GIGYF1: variants seen among roughly 807,000 people sequenced by gnomAD.
GIGYF1 encodes the protein GRB10 interacting GYF protein 1.
GIGYF1 carries 84 observed loss-of-function variants against 147.1 expected under a neutral mutation model. The ratio of observed to expected loss-of-function variants is 0.57; its 90% CI spans 0.48 to 0.68. GIGYF1 has a LOEUF of 0.68. Among genes scored for constraint, GIGYF1 ranks in the 30% least tolerant of loss-of-function variants. The pLI, the probability that GIGYF1 is intolerant of heterozygous loss-of-function variation, is 0.00. For missense variants in GIGYF1, 1,485 were observed against 1,393.7 expected (o/e 1.07, Z -1.04); for synonymous variants, 752 against 589.5 (o/e 1.28, Z -3.99).
Position 100,685,958 on chromosome 7 carries a change from G to T in GIGYF1, c.1054+16C>A. ...CCCGGCCCAGCCCCAGGCCCGCTGG[G>T]CACCCCGCGGCTCACCTGCCTCAGG... On this transcript the variant is annotated intron_variant, in intron 12 of 26. Transcript: ENST00000678049. 6.2e-7 allele frequency: 1 copy of T among 1,606,600 alleles called. No individual in the cohort carries two copies. Among genetic ancestry groups the T allele is most frequent in the Non-Finnish European group, 8.5e-7 (1 of 1,176,104 alleles).
At chr7:100,688,368 G>A in intron 3 of GIGYF1, 61 bp from the exon 4 acceptor site, 2 of 794,790 alleles carry the variant, frequency 2.5e-6, no homozygotes, top group Non-Finnish European at 4.2e-6. Context: ...AGCGCAGGGA[G>A]GACACCATGG....
In GIGYF1 at chr7:100,683,249, GA is replaced by G; in HGVS notation, c.2194-20del. The G allele has an allele frequency of 6.2e-7, 1 of 1,613,056 alleles. No homozygotes were observed. Among genetic ancestry groups the G allele is most frequent in the Non-Finnish European group, 8.5e-7 (1 of 1,179,922 alleles). ...GCCGCACCTAAGAGGGGGACATGGTGAGGGGACCTGGCGAGGGTTGTCCACC... is the reference window on the plus strand; with the variant it reads ...GCCGCACCTAAGAGGGGGACATGGTGGGGGACCTGGCGAGGGTTGTCCACC... On this transcript the variant is annotated intron_variant, in intron 21 of 26. Transcript: ENST00000678049.
At chr7:100,690,781 CAAA>C (rs34194201) in intron 1 of GIGYF1, among the ~76,000 whole-genome samples, 4 of 93,598 alleles carry the variant, frequency 4.3e-5, no homozygotes. Context: ...GACTCTGTCT[CAAA>C]AAAAAAAAAA....
At chr7:100,686,507 C>A in intron 10 of GIGYF1, 74 bp from the exon 11 acceptor site, 1 of 1,521,656 alleles carries the variant, frequency 6.6e-7, no homozygotes, top group South Asian at 1.3e-5. Context: ...CTGCAGCTCA[C>A]GGAGCACCTC....
chr7:100,687,572 C>T lies in GIGYF1; in HGVS notation c.306G>A (p.Leu102=). 2 of 1,612,746 alleles carry T rather than the reference C, an allele frequency of 1.2e-6. No individual in the cohort carries two copies. The highest frequency in any genetic ancestry group is 1.7e-6 in the Non-Finnish European group (2 of 1,179,900). ...LSVNSVAVLR[L]MGKGAGPPLA... ...GGGGGGGGCCAGCCCCTTTCCCCAT[C>T]AGCCTCAGCACAGCCACGCTGTTCA... Residue 102 remains leucine, a synonymous_variant, in exon 7 of 27, where the codon CTG becomes CTA. Transcript: ENST00000678049.
chr7:100,687,742 C>A (rs1584505396), intron 6 of GIGYF1, 46 bp downstream of exon 6: 1 of 1,592,936 alleles, frequency 6.3e-7, no homozygotes, highest in East Asian at 2.2e-5. Context: ...AACCCATGGC[C>A]TCCCCTCCCA....
intron 1 of GIGYF1, among the ~76,000 whole-genome samples, chr7:100,692,966 T>C (rs1354765782): frequency 6.6e-6 from 1 of 152,178 alleles, no homozygotes; most frequent in Non-Finnish European, 1.5e-5. Flanking sequence ...GAGAGACCCT[T>C]ACTGGTACCA....
chr7:100,690,394 G>A (rs895984833), intron 1 of GIGYF1, among the ~76,000 whole-genome samples: 1 of 152,196 alleles, frequency 6.6e-6, no homozygotes, highest in African/African-American at 2.4e-5. Context: ...TATAATCCCA[G>A]CACTGTGGGA....
chr7:100,686,696 C>A lies in GIGYF1; in HGVS notation c.647G>T (p.Gly216Val). Residue 216 changes from glycine to valine, a missense_variant, in exon 10 of 27, where the codon GGA becomes GTA. Gly to Val is a moderately radical substitution (Grantham distance 109). Coordinates refer to ENST00000678049, the MANE Select transcript of GIGYF1 (RefSeq NM_001375765.1). ...EEEEEGSWRLGAGPRRDGDRW... is the reference protein window; with the variant it reads ...EEEEEGSWRLVAGPRRDGDRW... ...GTCGCCGTCTCGCCGGGGCCCTGCTCCGAGCCTCCAGCTGCCCTCCTCCTC... is the reference window on the plus strand; with the variant it reads ...GTCGCCGTCTCGCCGGGGCCCTGCTACGAGCCTCCAGCTGCCCTCCTCCTC... 1 of 1,613,242 alleles carries A rather than the reference C, an allele frequency of 6.2e-7. No homozygotes were observed. The highest frequency in any genetic ancestry group is 8.5e-7 in the Non-Finnish European group (1 of 1,179,860).
rs746334054 is a variant in GIGYF1 at position 100,682,793 on chromosome 7, G to T, written c.2413-16C>A. 1.3e-6 allele frequency: 2 copies of T among 1,516,600 alleles called. No homozygotes were observed. The highest frequency in any genetic ancestry group is 1.4e-5 in the African/African-American group (1 of 71,686). The allele number at this position is 1,516,600 out of a possible 1,614,324, so 93.9% of individuals were successfully genotyped here. On this transcript the variant is annotated splice_polypyrimidine_tract_variant and intron_variant, in intron 22 of 26. Transcript: ENST00000678049. ...CCCCAAGCTGCTACAGATGGCAGAAGATCAGAGTGGCTCAAACAAAGGCAC... is the reference window on the plus strand; with the variant it reads ...CCCCAAGCTGCTACAGATGGCAGAATATCAGAGTGGCTCAAACAAAGGCAC...
Position 100,685,988 on chromosome 7 carries a change from T to TC in GIGYF1, c.1039dup (p.Glu347GlyfsTer4), listed in dbSNP as rs1805292283. The stretch of plus-strand genomic sequence containing the variant: ...CCGCGGCTCACCTGCCTCAGGCCCT[T>TC]CCTCCTCTAGCCCTTCGGAAGGTTC... On this transcript the variant is annotated frameshift_variant, in exon 12 of 27. Transcript: ENST00000678049. LOFTEE classifies it high-confidence loss of function. 6.2e-7 allele frequency: 1 copy of TC among 1,612,078 alleles called. No individual in the cohort carries two copies.
In GIGYF1 at chr7:100,683,058, G is replaced by T. The variant is rs770770471; in HGVS notation, c.2366C>A (p.Pro789His). 1.9e-6 allele frequency: 3 copies of T among 1,576,090 alleles called. No individual in the cohort carries two copies. The highest frequency in any genetic ancestry group is 2.3e-5 in the South Asian group (2 of 88,644). Reference sequence around the variant, plus strand: ...GGCCCGAGCTGGCTCCCGAGGTGGGGGCTGTTTGTGCAGCTGCCGCTCGCC... The same window carrying T: ...GGCCCGAGCTGGCTCCCGAGGTGGGTGCTGTTTGTGCAGCTGCCGCTCGCC... ...LEGERQLHKQ[P>H]PPREPARAQA... The change falls in exon 22 of 27, where the codon CCC (proline) becomes CAC (histidine). Residue 789 changes from proline (P) to histidine (H), a missense_variant. Transcript: ENST00000678049.
Position 100,686,814 on chromosome 7 carries a change from A to C in GIGYF1, c.529T>G (p.Cys177Gly), listed in dbSNP as rs772493817. 6 of 1,613,816 alleles carry C rather than the reference A, an allele frequency of 3.7e-6. No individual in the cohort carries two copies. The highest frequency in any genetic ancestry group is 5.1e-6 in the Non-Finnish European group (6 of 1,179,906). ...CCAGCCCCTCCCTCCTCAAAGCCAC[A>C]TCGTGCTGGGAGACGGGAAGACAGG... is the stretch of plus-strand genomic sequence containing the variant. ...EKSARRDGAR[C>G]GFEEGGAGPR... The change falls in exon 10 of 27, where the codon TGT becomes GGT. Residue 177 changes from cysteine (C) to glycine (G), a missense_variant. Physicochemically the swap from Cys to Gly is radical, Grantham distance 159. Transcript: ENST00000678049.
At chr7:100,685,687 C>A (rs1433885541) in intron 12 of GIGYF1, among the ~76,000 whole-genome samples, 1 of 152,190 alleles carries the variant, frequency 6.6e-6, no homozygotes, top group Admixed American at 6.5e-5. Context: ...AGGAACATAT[C>A]ACAACATCGC....
intron 10 of GIGYF1, 85 bp from the exon 11 acceptor site, chr7:100,686,518 C>T: frequency 6.6e-7 from 1 of 1,519,912 alleles, no homozygotes; most frequent in Non-Finnish European, 8.8e-7. Context: ...GGAGCACCTC[C>T]AGGGCTGCTG....
intron 1 of GIGYF1, among the ~76,000 whole-genome samples, chr7:100,691,236 T>C (rs1805801113): frequency 6.6e-6 from 1 of 152,230 alleles, no homozygotes. Context: ...TTGTCACCAC[T>C]GGGCAGGGGG....
At chr7:100,689,903 T>C (rs1805693408) in intron 1 of GIGYF1, among the ~76,000 whole-genome samples, 1 of 152,166 alleles carries the variant, frequency 6.6e-6, no homozygotes, top group Admixed American at 6.5e-5. Context: ...TACCCCTTAC[T>C]TCTCTTTCAT....
At position 100,685,954 on chromosome 7, in the gene GIGYF1, C is replaced by T; in HGVS notation, c.1054+20G>A. ...CCTGCCCGGCCCAGCCCCAGGCCCG[C>T]TGGGCACCCCGCGGCTCACCTGCCT... is the stretch of plus-strand genomic sequence containing the variant. On this transcript the variant is annotated intron_variant, in intron 12 of 26. Coordinates refer to ENST00000678049, the MANE Select transcript of GIGYF1 (RefSeq NM_001375765.1). The T allele has an allele frequency of 6.2e-7, 1 of 1,606,676 alleles. No homozygotes were observed. Among genetic ancestry groups the T allele is most frequent in the African/African-American group, 1.3e-5 (1 of 74,886 alleles).
chr7:100,686,550 C>A (rs1805359082), intron 10 of GIGYF1, 99 bp downstream of exon 10: 2 of 1,521,100 alleles, frequency 1.3e-6, no homozygotes, highest in Non-Finnish European at 1.8e-6. Flanking sequence ...CCCACACCAG[C>A]CAGCCTCTGC....
Sources: gnomAD v4.1 joint callset for allele counts (sites outside exome capture counted in the v4.1 genomes callset) on GRCh38, gnomAD v4.1.1 for gene constraint, MANE v1.5 for transcripts, NCBI Gene and HGNC (gene_info 2026-07-23, HGNC 2026-07-21) for gene names.